Variants in MYH15 observed in about 807,000 individuals in gnomAD.
MYH15 encodes the protein myosin heavy chain 15.
MYH15 carries 227 observed loss-of-function variants against 240.5 expected under a neutral mutation model. The ratio of observed to expected loss-of-function variants is 0.94; its 90% confidence interval spans 0.85 to 1.05. MYH15 has a LOEUF of 1.05. MYH15 is among the 50% of genes least tolerant of loss of function. The pLI is 0.00. For synonymous variants in MYH15, 785 were observed against 796.7 expected, an observed-to-expected ratio of 0.99 and a Z score of 0.25; for missense variants, 2,217 against 2,247.5, an observed-to-expected ratio of 0.99 and a Z score of 0.27.
rs1341915271 is a variant in MYH15, at chr3:108,434,749, G to A, written c.3221+2805C>T. ...ATAATCATGCCCCTTGTATACATGA[G>A]AGTGTTCCTCTAGAGTGGACACTGA... On this transcript the variant is annotated intron_variant, in intron 25 of 40. Coordinates refer to ENST00000693548, the MANE Select transcript of MYH15 (RefSeq NM_014981.3). Among the ~76,000 whole-genome samples the A allele has an allele frequency of 2.0e-5, 3 of 152,114 alleles. No homozygotes were observed. The South Asian group carries it at 6.2e-4, about 32-fold the overall frequency.
chr3:108,412,511 C>T (rs931427792), intron 30 of MYH15, among the ~76,000 whole-genome samples: 1 of 152,248 alleles, frequency 6.6e-6, no homozygotes, highest in African/African-American at 2.4e-5. Context: ...GACTAATACA[C>T]CAGGACATGA....
At chr3:108,389,144 A>C in intron 37 of MYH15, 70 bp from the exon 38 acceptor site, 1 of 1,358,346 alleles carries the variant, frequency 7.4e-7, no homozygotes. Flanking sequence ...TGATTGGCAC[A>C]ATCATTTGAA....
chr3:108,428,361 G>T, intron 27 of MYH15, 131 bp downstream of exon 27: 1 of 1,129,016 alleles, frequency 8.9e-7, no homozygotes, highest in Non-Finnish European at 1.3e-6. Flanking sequence ...TCCGTCCAAA[G>T]GACTATAGTC....
chr3:108,532,617 T>C (rs2083719563), upstream of MYH15, among the ~76,000 whole-genome samples: 1 of 152,194 alleles, frequency 6.6e-6, no homozygotes, highest in Non-Finnish European at 1.5e-5. Flanking sequence ...GAGAAATCTC[T>C]CACTCTTGCT....
rs944587460 is a variant in MYH15 at position 108,456,804 on chromosome 3, ACCTTCACGGCATAT to A, written c.2086_2099del (p.Ile696PhefsTer9). The A allele has an allele frequency of 4.3e-6, 7 of 1,613,572 alleles. No individual in the cohort carries two copies. Among genetic ancestry groups the A allele is most frequent in the Non-Finnish European group, 5.9e-6 (7 of 1,179,788 alleles). On this transcript the variant is annotated frameshift_variant, in exon 19 of 41. Coordinates refer to ENST00000693548, the MANE Select transcript of MYH15 (RefSeq NM_014981.3). LOFTEE classifies it high-confidence loss of function. ...CAGCATACTGCAGTCGGTTTGGAAA[ACCTTCACGGCATAT>A]CCTAGTCCCTTCCAAGACACCATTA...
intron 12 of MYH15, among the ~76,000 whole-genome samples, chr3:108,472,159 C>G (rs1414310357): frequency 6.6e-6 from 1 of 152,198 alleles, no homozygotes; most frequent in African/African-American, 2.4e-5. Flanking sequence ...TCTAAAGTAA[C>G]CTACTGGGGA....
intron 1 of MYH15, among the ~76,000 whole-genome samples, chr3:108,527,677 T>C (rs772217529): frequency 1.4e-4 from 21 of 152,158 alleles, no homozygotes; most frequent in Non-Finnish European, 2.4e-4. Context: ...TATGTCACCA[T>C]AGAAAAAATC....
At chr3:108,458,042 T>A (rs2083038049) in intron 18 of MYH15, among the ~76,000 whole-genome samples, 1 of 144,994 alleles carries the variant, frequency 6.9e-6, no homozygotes, top group Non-Finnish European at 1.5e-5. Flanking sequence ...AGCAAGACTC[T>A]GTCTCAAATT....
At chr3:108,535,207 G>T in the MYH15 span, among the ~76,000 whole-genome samples, 1 of 152,124 alleles carries the variant, frequency 6.6e-6, no homozygotes, top group Non-Finnish European at 1.5e-5. Flanking sequence ...CTCTGAGTAT[G>T]GGTGTCTTAG....
At chr3:108,441,820 TCA>T (rs1175111179) in intron 22 of MYH15, among the ~76,000 whole-genome samples, 1 of 152,220 alleles carries the variant, frequency 6.6e-6, no homozygotes, top group Admixed American at 6.5e-5. Flanking sequence ...TAACTAGAGT[TCA>T]CTGTTATTTC....
chr3:108,426,205 G>GAAAAA (rs34105033), intron 27 of MYH15, among the ~76,000 whole-genome samples: 1 of 130,552 alleles, frequency 7.7e-6, no homozygotes, highest in Non-Finnish European at 1.7e-5. Flanking sequence ...AGTATTTTCA[G>GAAAAA]AAAAAAAAAA....
intron 14 of MYH15, among the ~76,000 whole-genome samples, 155 bp downstream of exon 14, chr3:108,469,887 G>A (rs1442707422): frequency 3.3e-5 from 5 of 152,214 alleles, no homozygotes; most frequent in Admixed American, 2.0e-4. Context: ...GATGCCACAG[G>A]TGATGCACAC....
At chr3:108,525,368 C>T (rs1363144981) in intron 1 of MYH15, among the ~76,000 whole-genome samples, 1 of 152,072 alleles carries the variant, frequency 6.6e-6, no homozygotes, top group Non-Finnish European at 1.5e-5. Context: ...CAATCACTCT[C>T]CAGTAATAAT....
intron 27 of MYH15, 63 bp from the exon 28 acceptor site, chr3:108,421,277 A>C: frequency 2.5e-6 from 4 of 1,573,736 alleles, no homozygotes; most frequent in Non-Finnish European, 3.4e-6. Flanking sequence ...CAGCTGCACA[A>C]AGGAAGAGGG....
chr3:108,388,908 A>T, intron 38 of MYH15, 62 bp downstream of exon 38: 2 of 1,442,998 alleles, frequency 1.4e-6, no homozygotes, highest in South Asian at 1.2e-5. Flanking sequence ...TCAGGCTTGA[A>T]GGAGTACTTT....
Position 108,408,309 on chromosome 3 carries a change from C to A in MYH15, c.4591G>T (p.Glu1531Ter), listed in dbSNP as rs2082561585. The stretch of plus-strand genomic sequence containing the variant: ...GTTTCTTCCAGTGTCACCTGGACTT[C>A]TGTCTTCTCTTCTTCAATTAGTTTC... The part of the protein sequence containing the change: ...VKKLIEEEKT[E>*]VQVTLEETEG... Residue 1531 changes from glutamate (E) to a stop codon, truncating the protein, a stop_gained, in exon 32 of 41, where the codon GAA becomes TAA. Coordinates refer to ENST00000693548, the MANE Select transcript of MYH15 (RefSeq NM_014981.3). LOFTEE classifies it high-confidence loss of function. 2 of 1,613,538 alleles carry A rather than the reference C, an allele frequency of 1.2e-6. No homozygotes were observed. The highest frequency in any genetic ancestry group is 2.2e-5 in the South Asian group (2 of 90,992).
chr3:108,419,729 T>C (rs190417397), intron 28 of MYH15, among the ~76,000 whole-genome samples: 1 of 152,324 alleles, frequency 6.6e-6, no homozygotes, highest in East Asian at 1.9e-4. Context: ...TTTAGTTTTA[T>C]CAACTAATTT....
At chr3:108,533,218 C>T (rs2107282950), upstream of MYH15, among the ~76,000 whole-genome samples, 1 of 147,752 alleles carries the variant, frequency 6.8e-6, no homozygotes, top group African/African-American at 2.5e-5. Context: ...GAGAAGGTCC[C>T]AACAGAATGC....
intron 28 of MYH15, among the ~76,000 whole-genome samples, chr3:108,420,580 A>T (rs1220420390): frequency 6.6e-6 from 1 of 152,090 alleles, no homozygotes; most frequent in Non-Finnish European, 1.5e-5. Flanking sequence ...ATAGAGGTCG[A>T]CGTGGCCAAC....
Sources: allele counts gnomAD v4.1 joint callset (sites outside exome capture counted in the v4.1 genomes callset), GRCh38; gene constraint gnomAD v4.1.1; transcripts MANE v1.5; gene names NCBI Gene and HGNC (gene_info 2026-07-23, HGNC 2026-07-21).